Variants in GRID2 observed in about 807,000 individuals in gnomAD.
GRID2 encodes the protein glutamate receptor ionotropic, delta-2.
In GRID2, 33 loss-of-function variants were observed where a neutral mutation model predicts 114.8. The ratio of observed to expected loss-of-function variants is 0.29; its 90% confidence interval spans 0.22 to 0.38. The LOEUF (loss-of-function observed/expected upper bound fraction) is 0.38. Among genes scored for constraint, GRID2 ranks in the 10% least tolerant of loss-of-function variants. GRID2 has a pLI of 1.00. For missense variants in GRID2, 1,184 were observed against 1,257.7 expected (o/e 0.94, Z 0.89); for synonymous variants, 505 against 449.9 (o/e 1.12, Z -1.55).
At chr4:92,814,883 C>G (rs1740813999) in intron 2 of GRID2, among the ~76,000 whole-genome samples, 1 of 152,012 alleles carries the variant, frequency 6.6e-6, no homozygotes. Flanking sequence ...ACACTAGGAC[C>G]AGAAAGAGAA....
chr4:93,093,516 A>G (rs1414421641), intron 3 of GRID2, among the ~76,000 whole-genome samples: 1 of 152,056 alleles, frequency 6.6e-6, no homozygotes, highest in East Asian at 1.9e-4. Context: ...ATATTTGTGA[A>G]GTAGGAAATT....
At chr4:93,035,332 T>C (rs1263849755) in intron 2 of GRID2, among the ~76,000 whole-genome samples, 1 of 152,142 alleles carries the variant, frequency 6.6e-6, no homozygotes, top group East Asian at 1.9e-4. Context: ...CAGGATGGTC[T>C]TGAGCTCCTT....
At position 93,172,591 on chromosome 4, in the gene GRID2, C is replaced by CA. The variant is rs531663849; in HGVS notation, c.736-34805dup. Among the ~76,000 whole-genome samples, 43 of 145,656 alleles carry CA rather than the reference C, an allele frequency of 3.0e-4. 1 individual carries two copies. Among genetic ancestry groups the CA allele is most frequent in the African/African-American group, 2.8e-4 (11 of 39,220 alleles). ...TGGGCGACAGGGCGAGACTCCATCT[C>CA]AAAAAAAAGAAAAAAAAAAGAAAAT... On this transcript the variant is annotated intron_variant, in intron 4 of 15. Transcript: ENST00000282020.
intron 11 of GRID2, among the ~76,000 whole-genome samples, chr4:93,474,259 A>G (rs1725108158): frequency 6.6e-6 from 1 of 152,130 alleles, no homozygotes; most frequent in Non-Finnish European, 1.5e-5. Context: ...GCCTCCTAGA[A>G]CAACTCTGAG....
At chr4:92,630,009 T>G (rs1319466548) in intron 2 of GRID2, among the ~76,000 whole-genome samples, 2 of 151,290 alleles carry the variant, frequency 1.3e-5, no homozygotes, top group Non-Finnish European at 3.0e-5. Flanking sequence ...GACAGTAGTG[T>G]TAGAATAATT....
At chr4:93,789,708 C>T (rs1734659733) in intron 1 of GRID2, among the ~76,000 whole-genome samples, 1 of 152,126 alleles carries the variant, frequency 6.6e-6, no homozygotes, top group African/African-American at 2.4e-5. Flanking sequence ...AATTCAAGAT[C>T]AGTTTATGAG....
intron 2 of GRID2, among the ~76,000 whole-genome samples, chr4:92,690,907 T>C (rs568057053): frequency 6.6e-6 from 1 of 152,306 alleles, no homozygotes; most frequent in East Asian, 1.9e-4. Flanking sequence ...TTTATTTTTA[T>C]TGTGTTTTCA....
chr4:93,091,678 A>C (rs112830685), intron 3 of GRID2, among the ~76,000 whole-genome samples: 1 of 152,254 alleles, frequency 6.6e-6, no homozygotes, highest in African/African-American at 2.4e-5. Context: ...AAAATGGTGC[A>C]AGAGCTACAA....
chr4:93,758,214 T>TA (rs1055845362), intron 14 of GRID2, among the ~76,000 whole-genome samples: 1 of 152,084 alleles, frequency 6.6e-6, no homozygotes, highest in Admixed American at 6.6e-5. Context: ...AAATATAATT[T>TA]AAAAAAATAG....
intron 1 of GRID2, among the ~76,000 whole-genome samples, chr4:92,528,585 T>C (rs113538796): frequency 3.5e-4 from 53 of 152,102 alleles, no homozygotes; most frequent in African/African-American, 1.3e-3. Context: ...TTTAGCAGCA[T>C]TCTCAGGGTA....
intron 14 of GRID2, among the ~76,000 whole-genome samples, chr4:93,708,191 C>G (rs554462703): frequency 1.4e-4 from 21 of 152,036 alleles, no homozygotes; most frequent in Non-Finnish European, 3.1e-4. Flanking sequence ...TTGAATATCT[C>G]TTATGTCCAT....
At chr4:92,455,881 A>G (rs1429558311) in intron 1 of GRID2, among the ~76,000 whole-genome samples, 3 of 152,292 alleles carry the variant, frequency 2.0e-5, no homozygotes, top group Admixed American at 6.5e-5. Flanking sequence ...TTGATTGATT[A>G]ATTACAGTGA....
chr4:93,411,431 A>ATTTTTTTTTTTTTTTTTTTTTTTTTTT (rs34629800), intron 9 of GRID2, among the ~76,000 whole-genome samples: 1 of 146,746 alleles, frequency 6.8e-6, no homozygotes, highest in Non-Finnish European at 1.5e-5. Context: ...AATTGAATAG[A>ATTTTTTTTTTTTTTTTTTTTTTTTTTT]TTTTTTTTTT....
At chr4:92,562,925 G>A (rs1243355166) in intron 1 of GRID2, among the ~76,000 whole-genome samples, 1 of 151,934 alleles carries the variant, frequency 6.6e-6, no homozygotes, top group African/African-American at 2.4e-5. Flanking sequence ...ATTTTACTAC[G>A]GAATCACTTT....
Position 93,447,401 on chromosome 4 carries a change from A to G in GRID2, c.1546-8261A>G, listed in dbSNP as rs536285645. On this transcript the variant is annotated intron_variant, in intron 10 of 15. Coordinates refer to ENST00000282020, the MANE Select transcript of GRID2 (RefSeq NM_001510.4). The stretch of plus-strand genomic sequence containing the variant: ...TGAAGGGAAAAAACAGTTCTTTGAA[A>G]AGATATAAAACAAAAACAAGCCTTG... Among the ~76,000 whole-genome samples the G allele has an allele frequency of 9.2e-5, 14 of 152,144 alleles. No homozygotes were observed. The South Asian group carries it at 2.9e-3, about 31-fold the overall frequency.
chr4:92,671,748 A>C (rs1270748796), intron 2 of GRID2, among the ~76,000 whole-genome samples: 2 of 152,178 alleles, frequency 1.3e-5, no homozygotes, highest in Non-Finnish European at 2.9e-5. Flanking sequence ...AGAGAGAAAA[A>C]GTGTCCAAAT....
chr4:93,228,495 A>G (rs550900705), intron 7 of GRID2, among the ~76,000 whole-genome samples: 1 of 152,334 alleles, frequency 6.6e-6, no homozygotes, highest in Admixed American at 6.5e-5. Flanking sequence ...TTCAAACCAT[A>G]GTAATGCTGT....
chr4:93,037,841 C>T (rs966719299), intron 2 of GRID2, among the ~76,000 whole-genome samples: 2 of 152,100 alleles, frequency 1.3e-5, no homozygotes, highest in South Asian at 2.1e-4. Flanking sequence ...GTTACTGTAG[C>T]CTTGTAGTAT....
At chr4:92,699,715 C>T (rs1029765893) in intron 2 of GRID2, among the ~76,000 whole-genome samples, 8 of 152,150 alleles carry the variant, frequency 5.3e-5, no homozygotes, top group Non-Finnish European at 1.0e-4. Context: ...GAAACCTCTA[C>T]TCATCTTTAT....
Sources: allele counts gnomAD v4.1 joint callset (sites outside exome capture counted in the v4.1 genomes callset), GRCh38; gene constraint gnomAD v4.1.1; transcripts MANE v1.5; gene names NCBI Gene and HGNC (gene_info 2026-07-23, HGNC 2026-07-21).